The following ZNRF3 variants were observed in gnomAD, a reference collection of about 807,000 sequenced individuals.
ZNRF3 encodes the protein zinc and ring finger 3.
Under a neutral mutation model 72.5 loss-of-function variants are expected in ZNRF3, and 23 were observed. The ratio of observed to expected loss-of-function variants is 0.32; its 90% CI spans 0.23 to 0.45. ZNRF3 has a LOEUF of 0.45. ZNRF3 is among the 20% of genes least tolerant of loss of function. ZNRF3 has a pLI of 1.00. For missense variants in ZNRF3, 1,169 were observed against 1,272.1 expected (o/e 0.92, Z 1.23); for synonymous variants, 610 against 545.3 (o/e 1.12, Z -1.65).
intron 1 of ZNRF3, among the ~76,000 whole-genome samples, chr22:28,974,732 A>G (rs1430528614): frequency 6.6e-6 from 1 of 152,112 alleles, no homozygotes; most frequent in Non-Finnish European, 1.5e-5. Flanking sequence ...TGCAGCCTCA[A>G]CCTTCCAGGC....
chr22:28,927,960 A>G (rs1317199963), intron 1 of ZNRF3, among the ~76,000 whole-genome samples: 3 of 152,272 alleles, frequency 2.0e-5, no homozygotes, highest in African/African-American at 7.2e-5. Flanking sequence ...CTTTTGTGCC[A>G]GTGTTGTGCC....
At chr22:28,985,266 G>C (rs2035836252) in intron 1 of ZNRF3, among the ~76,000 whole-genome samples, 1 of 152,048 alleles carries the variant, frequency 6.6e-6, no homozygotes, top group South Asian at 2.1e-4. Context: ...CCTGGTTTTT[G>C]AGCCCTTCTC....
intron 2 of ZNRF3, among the ~76,000 whole-genome samples, chr22:29,032,918 G>A (rs74915867): frequency 6.6e-6 from 1 of 152,208 alleles, no homozygotes; most frequent in Non-Finnish European, 1.5e-5. Flanking sequence ...CGCAGCCTGA[G>A]GGAATAATAC....
At chr22:28,896,058 C>G (rs2033988723) in intron 1 of ZNRF3, among the ~76,000 whole-genome samples, 1 of 152,064 alleles carries the variant, frequency 6.6e-6, no homozygotes, top group Non-Finnish European at 1.5e-5. Context: ...TCAAGCGATT[C>G]TCCTGCTTCA....
chr22:28,992,339 C>T (rs1169559751), intron 2 of ZNRF3, among the ~76,000 whole-genome samples: 1 of 152,080 alleles, frequency 6.6e-6, no homozygotes, highest in African/African-American at 2.4e-5. Flanking sequence ...GGATTCTGGG[C>T]TATGTCACAG....
intron 1 of ZNRF3, among the ~76,000 whole-genome samples, chr22:28,976,191 G>GTT (rs1266386212): frequency 6.6e-6 from 1 of 152,054 alleles, no homozygotes; most frequent in Non-Finnish European, 1.5e-5. Context: ...TGAGGCAGAG[G>GTT]TTGCATTGAG....
chr22:28,894,123 A>ATTT (rs771660791), intron 1 of ZNRF3, among the ~76,000 whole-genome samples: 1 of 142,360 alleles, frequency 7.0e-6, no homozygotes, highest in Non-Finnish European at 1.5e-5. Context: ...TGCCTGGCTA[A>ATTT]TTTTTTTTTT....
At chr22:28,957,232 A>T (rs1169590455) in intron 1 of ZNRF3, among the ~76,000 whole-genome samples, 1 of 152,166 alleles carries the variant, frequency 6.6e-6, no homozygotes, top group Admixed American at 6.5e-5. Context: ...ACTGGTTATG[A>T]GATGAGACTC....
chr22:28,957,094 G>A (rs2035275097), intron 1 of ZNRF3, among the ~76,000 whole-genome samples: 1 of 152,232 alleles, frequency 6.6e-6, no homozygotes, highest in South Asian at 2.1e-4. Context: ...ACAAAGCAGT[G>A]TAGATTTACA....
chr22:29,054,245 T>C lies in ZNRF3; in HGVS notation c.*623T>C, dbSNP rs565557172. On this transcript the variant is annotated 3_prime_UTR_variant, in exon 9 of 9. Coordinates refer to ENST00000544604, the MANE Select transcript of ZNRF3 (RefSeq NM_001206998.2). Reference sequence around the variant, plus strand: ...ACACGATTTCAGGTCTCAGACGCCATGCCTCTCCAGCCCACGCCTTTAGGC... The same window carrying C: ...ACACGATTTCAGGTCTCAGACGCCACGCCTCTCCAGCCCACGCCTTTAGGC... 3.3e-5 allele frequency: 5 copies of C among 152,562 alleles called. No homozygotes were observed. Among genetic ancestry groups the C allele is most frequent in the African/African-American group, 1.2e-4 (5 of 41,596 alleles). The allele number at this position is 152,562 out of a possible 1,614,324, so 9.5% of individuals were successfully genotyped here.
chr22:29,046,163 T>C (rs1405261569), intron 5 of ZNRF3, among the ~76,000 whole-genome samples: 1 of 152,140 alleles, frequency 6.6e-6, no homozygotes, highest in Non-Finnish European at 1.5e-5. Context: ...AGCAGAGATC[T>C]GGACCCCCAA....
At chr22:28,884,587 G>T (rs1488491780) in intron 1 of ZNRF3, among the ~76,000 whole-genome samples, 1 of 152,188 alleles carries the variant, frequency 6.6e-6, no homozygotes, top group Non-Finnish European at 1.5e-5. Context: ...CTTCTGCGGG[G>T]CTCTGGACAA....
intron 1 of ZNRF3, among the ~76,000 whole-genome samples, chr22:28,976,900 A>G (rs984807935): frequency 2.6e-5 from 4 of 152,204 alleles, no homozygotes; most frequent in Admixed American, 2.0e-4. Flanking sequence ...AGCAACAGCC[A>G]TTCTAAGTGA....
In ZNRF3 at chr22:29,044,795, T is replaced by G. The variant is rs1216180859; in HGVS notation, c.649T>G (p.Phe217Val). ...TCCGTTCCAGCAACCCACTGAATAC[T>G]TTGACATGGGGATTTTCCTGGCTTT... is the stretch of plus-strand genomic sequence containing the variant. ...HRPPRQPTEY[F>V]DMGIFLAFFV... The change falls in exon 5 of 9, where the codon TTT becomes GTT. Residue 217 changes from phenylalanine to valine, a missense_variant. Phe to Val is a conservative substitution (Grantham distance 50, BLOSUM62 -1). Around this residue, in one of 2 missense-constraint regions of ZNRF3, gnomAD observed 386 missense variants for 540.7 expected, o/e 0.71. Coordinates refer to ENST00000544604, the MANE Select transcript of ZNRF3 (RefSeq NM_001206998.2). 2.5e-6 allele frequency: 4 copies of G among 1,613,968 alleles called. No homozygotes were observed. The African/African-American group carries it at 5.3e-5, about 22-fold the overall frequency.
At chr22:28,919,750 G>A (rs993167507) in intron 1 of ZNRF3, among the ~76,000 whole-genome samples, 1 of 151,410 alleles carries the variant, frequency 6.6e-6, no homozygotes, top group African/African-American at 2.4e-5. Context: ...CAGGTGATTC[G>A]CTTGCCTCAG....
chr22:28,966,730 ACAAAAGT>A (rs1474468266), intron 1 of ZNRF3, among the ~76,000 whole-genome samples: 2 of 152,170 alleles, frequency 1.3e-5, no homozygotes, highest in East Asian at 1.9e-4. Flanking sequence ...GAGTGTTATT[ACAAAAGT>A]CAAAAGTTAA....
intron 1 of ZNRF3, among the ~76,000 whole-genome samples, chr22:28,962,096 A>C (rs1247775572): frequency 1.3e-5 from 2 of 152,206 alleles, no homozygotes; most frequent in Admixed American, 1.3e-4. Context: ...TCACCAGCCT[A>C]ATGTGGCTAT....
intron 1 of ZNRF3, among the ~76,000 whole-genome samples, chr22:28,957,503 G>A (rs1166062878): frequency 1.3e-5 from 2 of 152,124 alleles, no homozygotes; most frequent in Non-Finnish European, 2.9e-5. Flanking sequence ...GCAATGGCAT[G>A]ATCTTGGCTC....
At chr22:28,959,201 C>T (rs2035312187) in intron 1 of ZNRF3, among the ~76,000 whole-genome samples, 3 of 152,222 alleles carry the variant, frequency 2.0e-5, no homozygotes, top group Admixed American at 6.5e-5. Flanking sequence ...GCATCTGACC[C>T]AGCAGCCCAT....
Sources: gnomAD v4.1 joint callset for allele counts (sites outside exome capture counted in the v4.1 genomes callset) on GRCh38, gnomAD v4.1.1 for gene constraint, gnomAD v4.1.1 regional missense constraint, MANE v1.5 for transcripts, NCBI Gene and HGNC (gene_info 2026-07-23, HGNC 2026-07-21) for gene names.